The following PLCH1 variants were observed in gnomAD, a reference collection of about 807,000 sequenced individuals.
PLCH1 encodes phospholipase C eta 1.
PLCH1 carries 60 observed loss-of-function variants against 126.7 expected under a neutral mutation model. That is an observed-to-expected ratio of 0.47 (90% confidence interval 0.38 to 0.59). The LOEUF is 0.59. Ranked by LOEUF, PLCH1 falls within the 20% of genes least tolerant of loss-of-function variation. The probability of loss-of-function intolerance (pLI) is 0.00; values close to 1 mark genes in which losing one functional copy is unlikely to be tolerated. For synonymous variants in PLCH1, 719 were observed against 734.9 expected, an observed-to-expected ratio of 0.98 and a Z score of 0.35; for missense variants, 1,723 against 2,040.0, an observed-to-expected ratio of 0.84 and a Z score of 2.99.
chr3:155,513,180 G>C (rs1391243971), intron 12 of PLCH1, among the ~76,000 whole-genome samples: 3 of 152,160 alleles, frequency 2.0e-5, no homozygotes, highest in African/African-American at 7.2e-5. Context: ...TATGTATCTG[G>C]CACAGAGGGC....
intron 2 of PLCH1, among the ~76,000 whole-genome samples, chr3:155,614,034 C>T (rs1735474063): frequency 6.6e-6 from 1 of 152,118 alleles, no homozygotes; most frequent in South Asian, 2.1e-4. Flanking sequence ...ATCAATAACT[C>T]AACCCCTTTT....
chr3:155,480,938 GA>G lies in PLCH1; in HGVS notation c.*29del, dbSNP rs1253490054. 6.6e-7 allele frequency: 1 copy of G among 1,503,762 alleles called. No individual in the cohort carries two copies. Among genetic ancestry groups the G allele is most frequent in the Non-Finnish European group, 9.0e-7 (1 of 1,115,340 alleles). 93.2% of individuals were successfully genotyped at this position (1,503,762 alleles called of 1,614,324 possible). On this transcript the variant is annotated 3_prime_UTR_variant, in exon 23 of 23. Transcript: ENST00000460012. The stretch of plus-strand genomic sequence containing the variant: ...ACTCTGACATTCTACAGAATACCTT[GA>G]AAACCTTAAGAATGCAGTTTTAAAT...
chr3:155,630,375 T>G (rs1437747492), intron 2 of PLCH1, among the ~76,000 whole-genome samples: 1 of 152,270 alleles, frequency 6.6e-6, no homozygotes, highest in Non-Finnish European at 1.5e-5. Flanking sequence ...TTGTGTTACT[T>G]GTGCTAATAC....
At chr3:155,468,304 T>C (rs554113078) in intron 21 of PLCH1, among the ~76,000 whole-genome samples, 6 of 151,448 alleles carry the variant, frequency 4.0e-5, no homozygotes, top group Non-Finnish European at 5.9e-5. Context: ...CCAGAGAAAA[T>C]CACCTTTACT....
chr3:155,741,694 T>TTTTTA (rs1749647235), intron 1 of PLCH1, among the ~76,000 whole-genome samples: 5 of 145,886 alleles, frequency 3.4e-5, no homozygotes, highest in Non-Finnish European at 7.4e-5. Context: ...CTTTTTTTTT[T>TTTTTA]TTTTTTTTTT....
chr3:155,737,298 ACTT>A lies in PLCH1; in HGVS notation c.-41+7539_-41+7541del, dbSNP rs1208608474. ...TCTGACTTCTGTCCCTTAGTAATCA[ACTT>A]CTTAATTCTTGTGTATCCTTCTGAA... On this transcript the variant is annotated intron_variant, in intron 1 of 22. Transcript: ENST00000460012. 2.0e-5 allele frequency among the ~76,000 whole-genome samples: 3 copies of A among 148,640 alleles called. No homozygotes were observed. In the Admixed American group the frequency reaches 2.0e-4, roughly 10 times the overall value.
intron 8 of PLCH1, among the ~76,000 whole-genome samples, chr3:155,555,740 A>G (rs1011083382): frequency 2.6e-5 from 4 of 152,118 alleles, no homozygotes; most frequent in Non-Finnish European, 5.9e-5. Context: ...CAACTGACAT[A>G]TCCCCTTCTC....
At chr3:155,677,440 A>T (rs1040251915) in intron 2 of PLCH1, among the ~76,000 whole-genome samples, 1 of 152,256 alleles carries the variant, frequency 6.6e-6, no homozygotes, top group Admixed American at 6.5e-5. Context: ...AATTAAATAC[A>T]TGATGAAAAT....
chr3:155,617,270 G>T (rs2108756284), intron 2 of PLCH1, among the ~76,000 whole-genome samples: 1 of 152,176 alleles, frequency 6.6e-6, no homozygotes, highest in African/African-American at 2.4e-5. Flanking sequence ...ACTCTGACAG[G>T]CACTCTTGAA....
At chr3:155,569,907 C>T (rs1056774601) in intron 6 of PLCH1, among the ~76,000 whole-genome samples, 1 of 152,008 alleles carries the variant, frequency 6.6e-6, no homozygotes, top group African/African-American at 2.4e-5. Context: ...TGCAGGTGAG[C>T]AGAGAATATG....
At chr3:155,496,191 T>C (rs1454642913) in intron 15 of PLCH1, among the ~76,000 whole-genome samples, 1 of 152,190 alleles carries the variant, frequency 6.6e-6, no homozygotes, top group Non-Finnish European at 1.5e-5. Flanking sequence ...CAAAAACAGC[T>C]GAAGTTCCAG....
intron 21 of PLCH1, among the ~76,000 whole-genome samples, chr3:155,472,409 C>G (rs1713310118): frequency 1.3e-5 from 2 of 152,268 alleles, no homozygotes. Flanking sequence ...AGATCAATAA[C>G]AGGAGCTCAA....
At chr3:155,466,938 A>G (rs574410094) in intron 21 of PLCH1, among the ~76,000 whole-genome samples, 2 of 152,326 alleles carry the variant, frequency 1.3e-5, no homozygotes, top group South Asian at 4.1e-4. Flanking sequence ...CTATTTGAAA[A>G]TATATAGTCA....
chr3:155,613,765 A>C (rs1179854809), intron 2 of PLCH1, among the ~76,000 whole-genome samples: 1 of 152,116 alleles, frequency 6.6e-6, no homozygotes, highest in African/African-American at 2.4e-5. Flanking sequence ...CACTCCCACC[A>C]CTTCTGTTCA....
chr3:155,743,418 G>A (rs1749760418), intron 1 of PLCH1: 1 of 387,540 alleles, frequency 2.6e-6, no homozygotes. Context: ...TGTAATCCCA[G>A]ATACTCGGGA....
intron 13 of PLCH1, among the ~76,000 whole-genome samples, chr3:155,501,409 G>A (rs140835910): frequency 7.9e-5 from 12 of 152,272 alleles, no homozygotes; most frequent in African/African-American, 2.6e-4. Context: ...CAGATCAGCT[G>A]TTTCACAATA....
chr3:155,707,046 T>C (rs1746732908), intron 1 of PLCH1, among the ~76,000 whole-genome samples: 1 of 152,108 alleles, frequency 6.6e-6, no homozygotes, highest in South Asian at 2.1e-4. Context: ...ATTAGGTCCC[T>C]TATAGAAGAG....
intron 11 of PLCH1, among the ~76,000 whole-genome samples, chr3:155,520,391 T>C (rs2108275054): frequency 6.6e-6 from 1 of 152,308 alleles, no homozygotes; most frequent in Admixed American, 6.5e-5. Context: ...GGTTTTAGAA[T>C]ATAAGACAAA....
At chr3:155,680,234 T>C (rs146266028) in intron 2 of PLCH1, among the ~76,000 whole-genome samples, 2,120 of 152,002 alleles carry the variant, frequency 0.014, 24 homozygotes, top group African/African-American at 0.036. Context: ...AATACAAAAA[T>C]TAGCCGAGTG....
Sources: allele counts gnomAD v4.1 joint callset (sites outside exome capture counted in the v4.1 genomes callset), GRCh38; gene constraint gnomAD v4.1.1; transcripts MANE v1.5; gene names NCBI Gene and HGNC (gene_info 2026-07-23, HGNC 2026-07-21).